The following MMP16 variants were observed in gnomAD, a reference collection of about 807,000 sequenced individuals.
MMP16 encodes the protein matrix metallopeptidase 16.
In MMP16, 12 loss-of-function variants were observed where a neutral mutation model predicts 67.8. That is an observed-to-expected ratio of 0.18 (90% CI 0.11 to 0.29). The LOEUF (loss-of-function observed/expected upper bound fraction) is 0.29. Ranked by LOEUF, MMP16 falls within the 10% of genes least tolerant of loss-of-function variation. The pLI is 1.00. For synonymous variants in MMP16, 249 were observed against 255.9 expected (o/e 0.97, Z 0.26); for missense variants, 475 against 765.7 (o/e 0.62, Z 4.48).
intron 1 of MMP16, among the ~76,000 whole-genome samples, chr8:88,295,943 A>C (rs886475782): frequency 2.0e-5 from 3 of 152,180 alleles, no homozygotes; most frequent in Admixed American, 1.3e-4. Flanking sequence ...ATGTGGGAAA[A>C]ATAAGAAAAA....
chr8:88,177,179 C>T (rs1808906667), intron 3 of MMP16, among the ~76,000 whole-genome samples: 1 of 152,108 alleles, frequency 6.6e-6, no homozygotes, highest in South Asian at 2.1e-4. Context: ...TACACTTGAA[C>T]TGCTTTTTAT....
chr8:88,176,361 CCCTTCCTTTCTT>C (rs1480204158), intron 3 of MMP16, among the ~76,000 whole-genome samples: 1 of 152,160 alleles, frequency 6.6e-6, no homozygotes, highest in African/African-American at 2.4e-5. Context: ...AATCCTCCCT[CCCTTCCTTTCTT>C]CCTTCCTTTC....
At chr8:88,064,583 A>G (rs1483385429) in intron 7 of MMP16, among the ~76,000 whole-genome samples, 2 of 152,070 alleles carry the variant, frequency 1.3e-5, no homozygotes, top group Admixed American at 1.3e-4. Flanking sequence ...GAGATCAAAT[A>G]CACTCACACT....
intron 1 of MMP16, among the ~76,000 whole-genome samples, chr8:88,294,770 A>C (rs1810987094): frequency 6.6e-6 from 1 of 152,166 alleles, no homozygotes; most frequent in East Asian, 1.9e-4. Flanking sequence ...GCTGGAGCGC[A>C]GTGGTGCAAT....
chr8:88,297,449 A>G (rs2130033638), intron 1 of MMP16, among the ~76,000 whole-genome samples: 1 of 152,320 alleles, frequency 6.6e-6, no homozygotes, highest in Non-Finnish European at 1.5e-5. Context: ...GATTAACCAT[A>G]GAGATGGCCT....
chr8:88,043,428 C>A (rs541610820), intron 9 of MMP16, among the ~76,000 whole-genome samples: 1 of 152,240 alleles, frequency 6.6e-6, no homozygotes, highest in East Asian at 1.9e-4. Context: ...GGATTACAGG[C>A]ATATGCCACC....
chr8:88,141,501 A>C (rs1461729583), intron 4 of MMP16, among the ~76,000 whole-genome samples: 4 of 152,120 alleles, frequency 2.6e-5, no homozygotes, highest in Non-Finnish European at 5.9e-5. Context: ...CTGGGTATAC[A>C]ACCTGAATCC....
At chr8:88,092,156 A>G (rs1563529158) in intron 6 of MMP16, among the ~76,000 whole-genome samples, 1 of 151,904 alleles carries the variant, frequency 6.6e-6, no homozygotes, top group Non-Finnish European at 1.5e-5. Context: ...CAGTGTTTCT[A>G]CAACTCTACT....
chr8:88,120,976 T>C (rs1224411670), intron 4 of MMP16, among the ~76,000 whole-genome samples: 2 of 152,118 alleles, frequency 1.3e-5, no homozygotes, highest in East Asian at 3.9e-4. Context: ...CAGATAAATA[T>C]TGCTTTCAGT....
intron 1 of MMP16, among the ~76,000 whole-genome samples, chr8:88,237,212 G>GTTTACCTTT (rs1809955783): frequency 6.6e-6 from 1 of 152,076 alleles, no homozygotes; most frequent in Non-Finnish European, 1.5e-5. Context: ...AGGTAAAAGG[G>GTTTACCTTT]ATCTGAAATT....
chr8:88,166,295 T>C (rs1808709089), intron 4 of MMP16, among the ~76,000 whole-genome samples: 1 of 152,058 alleles, frequency 6.6e-6, no homozygotes, highest in African/African-American at 2.4e-5. Flanking sequence ...AATAACATTC[T>C]ACAATCAGAA....
intron 4 of MMP16, among the ~76,000 whole-genome samples, chr8:88,150,418 AC>A (rs1268455458): frequency 9.4e-6 from 1 of 106,228 alleles, no homozygotes; most frequent in African/African-American, 3.9e-5. Context: ...TGTCAGATTC[AC>A]CAAAGTTGAA....
intron 1 of MMP16, among the ~76,000 whole-genome samples, chr8:88,233,406 C>A (rs1185870622): frequency 2.0e-5 from 3 of 152,110 alleles, no homozygotes; most frequent in Non-Finnish European, 2.9e-5. Flanking sequence ...AGAATACTCA[C>A]CATAATGTCC....
intron 4 of MMP16, among the ~76,000 whole-genome samples, chr8:88,120,886 T>G (rs930329656): frequency 2.0e-5 from 3 of 151,914 alleles, no homozygotes; most frequent in African/African-American, 7.2e-5. Context: ...CCCTCCTCCT[T>G]GCATATCAGG....
rs534893602 is a variant in MMP16 at position 88,109,189 on chromosome 8, T to C, written c.1083+7318A>G. ...AGTTATTCATTTGTGTCAAAAATAT[T>C]TTCATTTATATAGTCTTTATAGTTA... is the stretch of plus-strand genomic sequence containing the variant. On this transcript the variant is annotated intron_variant, in intron 6 of 9. Coordinates refer to ENST00000286614, the MANE Select transcript of MMP16 (RefSeq NM_005941.5). Among the ~76,000 whole-genome samples the C allele has an allele frequency of 2.0e-5, 3 of 151,498 alleles. No individual in the cohort carries two copies. The East Asian group carries it at 5.8e-4, about 30-fold the overall frequency.
At chr8:88,190,659 C>A (rs1287338524) in intron 2 of MMP16, among the ~76,000 whole-genome samples, 1 of 152,112 alleles carries the variant, frequency 6.6e-6, no homozygotes, top group African/African-American at 2.4e-5. Context: ...TATACCTGTT[C>A]ACACAAAAAA....
chr8:88,181,424 A>G (rs772099791), intron 3 of MMP16, among the ~76,000 whole-genome samples: 3 of 151,966 alleles, frequency 2.0e-5, no homozygotes, highest in African/African-American at 4.8e-5. Flanking sequence ...AAAACATAAT[A>G]CCATTTAAAT....
chr8:88,242,569 G>A (rs1810050166), intron 1 of MMP16, among the ~76,000 whole-genome samples: 1 of 152,024 alleles, frequency 6.6e-6, no homozygotes, highest in Non-Finnish European at 1.5e-5. Flanking sequence ...CTGTAGAGAG[G>A]GACAGTGCCA....
At chr8:88,163,535 G>C (rs1808665527) in intron 4 of MMP16, among the ~76,000 whole-genome samples, 1 of 151,934 alleles carries the variant, frequency 6.6e-6, no homozygotes. Flanking sequence ...TATACCTCTA[G>C]ATATTATTCT....
Sources: allele counts gnomAD v4.1 joint callset (sites outside exome capture counted in the v4.1 genomes callset), GRCh38; gene constraint gnomAD v4.1.1; transcripts MANE v1.5; gene names NCBI Gene and HGNC (gene_info 2026-07-23, HGNC 2026-07-21).